Variants in SLC36A1 observed in about 807,000 individuals in gnomAD.
SLC36A1 encodes the protein proton-coupled amino acid transporter 1.
SLC36A1 carries 30 observed loss-of-function variants against 47.5 expected under a neutral mutation model. The observed-to-expected ratio is 0.63, with a 90% CI of 0.47 to 0.86. The LOEUF (loss-of-function observed/expected upper bound fraction) is 0.86, where lower values mean the gene tolerates loss of function less well. SLC36A1 is among the 40% of genes least tolerant of loss of function. The pLI is 0.00. For synonymous variants in SLC36A1, 255 were observed against 249.7 expected, an observed-to-expected ratio of 1.02 and a Z score of -0.20; for missense variants, 517 against 606.0, an observed-to-expected ratio of 0.85 and a Z score of 1.54.
At chr5:151,363,617 G>T in the SLC36A1 span, among the ~76,000 whole-genome samples, 1 of 152,014 alleles carries the variant, frequency 6.6e-6, no homozygotes, top group African/African-American at 2.4e-5. Context: ...TAGTCCTTAC[G>T]CTGGATTTAT....
the SLC36A1 span, chr5:151,512,066 G>A: frequency 8.7e-7 from 1 of 1,152,274 alleles, no homozygotes. This position sits in a 1 kb window ranked among gnomAD's most constrained non-coding sequence, Gnocchi z 4.1. Context: ...GAGAAATTTG[G>A]AACCAGGAGG....
the SLC36A1 span, chr5:151,542,468 A>C: frequency 6.2e-7 from 1 of 1,614,178 alleles, no homozygotes; most frequent in Non-Finnish European, 8.5e-7. Flanking sequence ...GCCTGAGAGG[A>C]TAGCTGGATG....
the SLC36A1 span, among the ~76,000 whole-genome samples, chr5:151,390,546 C>T: frequency 1.3e-5 from 2 of 152,266 alleles, no homozygotes; most frequent in South Asian, 4.1e-4. Context: ...TTACGTCTAA[C>T]ATTTAAGTCT....
At chr5:151,504,144 A>G in the SLC36A1 span, 1 of 152,648 alleles carries the variant, frequency 6.6e-6, no homozygotes, top group South Asian at 2.1e-4. Context: ...CAATGAAACT[A>G]TGTATCTGTC....
the SLC36A1 span, among the ~76,000 whole-genome samples, chr5:151,397,026 TGC>T: frequency 6.6e-6 from 1 of 152,234 alleles, no homozygotes. Flanking sequence ...GTGAATTGTG[TGC>T]CATAAGCACT....
the SLC36A1 span, among the ~76,000 whole-genome samples, chr5:151,424,253 T>G: frequency 6.6e-6 from 1 of 152,180 alleles, no homozygotes; most frequent in East Asian, 1.9e-4. Context: ...CCCAGTCACC[T>G]CTAATATCAC....
chr5:151,517,510 G>A, the SLC36A1 span: 1 of 1,336,166 alleles, frequency 7.5e-7, no homozygotes. Context: ...TGAAAACTGT[G>A]CAGGGATTTC....
chr5:151,360,021 G>A, the SLC36A1 span, among the ~76,000 whole-genome samples: 1 of 152,132 alleles, frequency 6.6e-6, no homozygotes, highest in Non-Finnish European at 1.5e-5. Context: ...TAAGTTTTAT[G>A]CTTTCATTTG....
the SLC36A1 span, among the ~76,000 whole-genome samples, chr5:151,417,745 A>G: frequency 6.6e-6 from 1 of 152,396 alleles, no homozygotes; most frequent in South Asian, 2.1e-4. Flanking sequence ...AATGCAATAG[A>G]AAAGAATAAC....
chr5:151,526,739 C>T, the SLC36A1 span, among the ~76,000 whole-genome samples: 1 of 152,216 alleles, frequency 6.6e-6, no homozygotes, highest in Non-Finnish European at 1.5e-5. Context: ...GTGGAACAGC[C>T]CTAGGTAATG....
chr5:151,480,242 A>T (rs552455282), intron 10 of SLC36A1: 1 of 470,164 alleles, frequency 2.1e-6, no homozygotes, highest in Non-Finnish European at 3.6e-6. Flanking sequence ...TCCAAATTCA[A>T]ATGCTTAAAA....
At chr5:151,512,175 G>C in the SLC36A1 span, 1 of 1,611,806 alleles carries the variant, frequency 6.2e-7, no homozygotes, top group Non-Finnish European at 8.5e-7. This position sits in a 1 kb window ranked among gnomAD's most constrained non-coding sequence, Gnocchi z 4.1. Context: ...CTGCCCCATG[G>C]GTCCATGAGC....
chr5:151,502,018 T>TA, the SLC36A1 span, among the ~76,000 whole-genome samples: 1 of 148,246 alleles, frequency 6.7e-6, no homozygotes, highest in African/African-American at 2.7e-5. Flanking sequence ...TCCTTAAAAT[T>TA]AAAAACGAGT....
At chr5:151,498,642 C>T in the SLC36A1 span, among the ~76,000 whole-genome samples, 1 of 152,204 alleles carries the variant, frequency 6.6e-6, no homozygotes, top group Non-Finnish European at 1.5e-5. Context: ...TGTCTTTTGA[C>T]TCCAGCCTGC....
chr5:151,484,406 C>A (rs1322440383), intron 10 of SLC36A1, among the ~76,000 whole-genome samples: 2 of 152,222 alleles, frequency 1.3e-5, no homozygotes, highest in Admixed American at 6.5e-5. Context: ...TTTGGGCAAG[C>A]CATGTGTTCG....
the SLC36A1 span, chr5:151,544,806 A>T: frequency 6.2e-7 from 1 of 1,614,192 alleles, no homozygotes; most frequent in East Asian, 2.2e-5. Flanking sequence ...CTGCAAATTC[A>T]TATGTAACAG....
intron 10 of SLC36A1, among the ~76,000 whole-genome samples, chr5:151,487,454 CT>C (rs1434447586): frequency 6.6e-6 from 1 of 151,960 alleles, no homozygotes; most frequent in Non-Finnish European, 1.5e-5. Context: ...GATAGAACTG[CT>C]TTTTTTCACC....
chr5:151,493,617 C>T (rs1195307578), downstream of SLC36A1, among the ~76,000 whole-genome samples: 1 of 152,206 alleles, frequency 6.6e-6, no homozygotes, highest in East Asian at 1.9e-4. Context: ...GGAAGGTGGG[C>T]ATGTAGTCTG....
At chr5:151,362,671 G>A in the SLC36A1 span, among the ~76,000 whole-genome samples, 10 of 152,180 alleles carry the variant, frequency 6.6e-5, no homozygotes, top group African/African-American at 1.9e-4. Context: ...GATTATAGGC[G>A]TGAGGCACAG....
Sources: gnomAD v4.1 joint callset for allele counts (sites outside exome capture counted in the v4.1 genomes callset) on GRCh38, gnomAD v4.1.1 for gene constraint, Gnocchi (gnomAD v3.1) non-coding constraint, MANE v1.5 for transcripts, NCBI Gene and HGNC (gene_info 2026-07-23, HGNC 2026-07-21) for gene names.